P2RX1: variants seen among roughly 807,000 people sequenced by gnomAD.
P2RX1 encodes the protein purinergic receptor P2X 1.
In P2RX1, 42 loss-of-function variants were observed where a neutral mutation model predicts 50.3. That is an observed-to-expected ratio of 0.83 (90% confidence interval 0.65 to 1.08). P2RX1 has a LOEUF of 1.08. Ranked by LOEUF, P2RX1 falls within the 50% of genes least tolerant of loss-of-function variation. The pLI is 0.00. For synonymous variants in P2RX1, 199 were observed against 202.6 expected, an observed-to-expected ratio of 0.98 and a Z score of 0.15; for missense variants, 449 against 529.0, an observed-to-expected ratio of 0.85 and a Z score of 1.48.
chr17:3,912,088 A>G (rs138614431), intron 1 of P2RX1, among the ~76,000 whole-genome samples: 1 of 152,312 alleles, frequency 6.6e-6, no homozygotes, highest in African/African-American at 2.4e-5. Context: ...TTGCCTGAGA[A>G]TGAAGCCTCC....
Position 3,904,943 on chromosome 17 carries a change from G to A in P2RX1, c.286-14C>T, listed in dbSNP as rs1031669138. 2.1e-6 allele frequency: 3 copies of A among 1,423,218 alleles called. No individual in the cohort carries two copies. Among genetic ancestry groups the A allele is most frequent in the Middle Eastern group, 1.8e-4 (1 of 5,692 alleles). 88.2% of individuals were successfully genotyped at this position (1,423,218 alleles called of 1,614,324 possible). ...GGAGTTGTCCCCCTAGAAGTGAGGG[G>A]CAGGGGGAGGGTGGGGTGGGCTGGG... is the stretch of plus-strand genomic sequence containing the variant. On this transcript the variant is annotated splice_polypyrimidine_tract_variant and intron_variant, in intron 2 of 11. Transcript: ENST00000225538.
chr17:3,915,386 A>G, intron 1 of P2RX1: 1 of 448,672 alleles, frequency 2.2e-6, no homozygotes, highest in Non-Finnish European at 4.5e-6. Flanking sequence ...GCACACTCAC[A>G]AGTGTGCCAG....
intron 2 of P2RX1, 51 bp downstream of exon 2, chr17:3,905,169 A>G: frequency 2.5e-6 from 4 of 1,601,158 alleles, no homozygotes; most frequent in South Asian, 1.1e-5. Flanking sequence ...AGTCCCACCC[A>G]ACTCTGAGAC....
chr17:3,897,384 GAGGA>G lies in P2RX1; in HGVS notation c.*426_*429del, dbSNP rs1482686386. The stretch of plus-strand genomic sequence containing the variant: ...CAGTTGAAATGTGGCTAGTTCAGCC[GAGGA>G]ATTGAATTTTGTGTTTCATTCTATT... On this transcript the variant is annotated 3_prime_UTR_variant, in exon 12 of 12. Transcript: ENST00000225538. 1.9e-5 allele frequency: 5 copies of G among 268,962 alleles called. No homozygotes were observed. In the East Asian group the frequency reaches 4.2e-4, roughly 23 times the overall value. 16.7% of individuals were successfully genotyped at this position (268,962 alleles called of 1,614,324 possible).
At position 3,897,820 on chromosome 17, in the gene P2RX1, T is replaced by A. The variant is rs2056058494; in HGVS notation, c.1194A>T (p.Thr398=). 3.1e-6 allele frequency: 5 copies of A among 1,612,982 alleles called. No homozygotes were observed. Among genetic ancestry groups the A allele is most frequent in the African/African-American group, 1.3e-5 (1 of 75,000 alleles). ...STLGLQENMR[T]S Reference sequence around the variant, plus strand: ...AGGAGTTGGGGCCCGAGCATCAGGATGTCCTCATGTTCTCCTGCAGGCCCA... The same window carrying A: ...AGGAGTTGGGGCCCGAGCATCAGGAAGTCCTCATGTTCTCCTGCAGGCCCA... The change falls in exon 12 of 12, where the codon ACA becomes ACT. Residue 398 remains threonine, a synonymous_variant. Transcript: ENST00000225538.
At chr17:3,906,874 G>C (rs2056275555) in intron 1 of P2RX1, among the ~76,000 whole-genome samples, 1 of 152,222 alleles carries the variant, frequency 6.6e-6, no homozygotes, top group Non-Finnish European at 1.5e-5. Flanking sequence ...GACCTGAGGA[G>C]TTTCAGCAAT....
In P2RX1 at chr17:3,914,642, C is replaced by A. The variant is rs945463561; in HGVS notation, c.137+1447G>T. Among the ~76,000 whole-genome samples the A allele has an allele frequency of 6.6e-5, 10 of 152,170 alleles. No individual in the cohort carries two copies. The highest frequency in any genetic ancestry group is 9.7e-5 in the African/African-American group (4 of 41,448). ...AGTGATACTAAGGGTGGACTTCCGGCCCGTCCTGTACCTGGCATCCCACCA... is the reference window on the plus strand; with the variant it reads ...AGTGATACTAAGGGTGGACTTCCGGACCGTCCTGTACCTGGCATCCCACCA... On this transcript the variant is annotated intron_variant, in intron 1 of 11. Coordinates refer to ENST00000225538, the MANE Select transcript of P2RX1 (RefSeq NM_002558.4). This position sits in a 1 kb window ranked among gnomAD's most constrained non-coding sequence, Gnocchi z 4.1.
Position 3,904,938 on chromosome 17 carries a change from G to T in P2RX1, c.286-9C>A. On this transcript the variant is annotated splice_polypyrimidine_tract_variant and intron_variant, in intron 2 of 11. Transcript: ENST00000225538. ...ACGAAGGAGTTGTCCCCCTAGAAGT[G>T]AGGGGCAGGGGGAGGGTGGGGTGGG... 1 of 1,499,130 alleles carries T rather than the reference G, an allele frequency of 6.7e-7. No homozygotes were observed. The highest frequency in any genetic ancestry group is 9.2e-7 in the Non-Finnish European group (1 of 1,089,454). The allele number at this position is 1,499,130 out of a possible 1,614,324, so 92.9% of individuals were successfully genotyped here.
chr17:3,903,825 A>AG lies in P2RX1; in HGVS notation c.524+102dup. The AG allele has an allele frequency of 8.6e-7, 1 of 1,158,124 alleles. No individual in the cohort carries two copies. The highest frequency in any genetic ancestry group is 1.3e-6 in the Non-Finnish European group (1 of 774,112). The allele number at this position is 1,158,124 out of a possible 1,614,324, so 71.7% of individuals were successfully genotyped here. Reference sequence around the variant, plus strand: ...CAGCCTAGGTTGCGCGGATGGGGTGAGGGTGGGGTCAGAAAAAGGGGTAAA... The same window carrying AG: ...CAGCCTAGGTTGCGCGGATGGGGTGAGGGGTGGGGTCAGAAAAAGGGGTAAA... On this transcript the variant is annotated intron_variant, in intron 5 of 11. Coordinates refer to ENST00000225538, the MANE Select transcript of P2RX1 (RefSeq NM_002558.4). This position sits in a 1 kb window ranked among gnomAD's most constrained non-coding sequence, Gnocchi z 4.6.
intron 7 of P2RX1, among the ~76,000 whole-genome samples, chr17:3,902,098 T>A (rs535056063): frequency 1.3e-5 from 2 of 152,174 alleles, no homozygotes; most frequent in African/African-American, 4.8e-5. Flanking sequence ...GGCCATAGGC[T>A]ATAGGATTCA....
intron 9 of P2RX1, among the ~76,000 whole-genome samples, 184 bp downstream of exon 9, chr17:3,898,750 G>A (rs1026131402): frequency 1.3e-5 from 2 of 152,140 alleles, no homozygotes; most frequent in Non-Finnish European, 2.9e-5. Context: ...GAGACTGTGG[G>A]GAGGCATGGC....
chr17:3,908,763 C>A (rs766640169), intron 1 of P2RX1, among the ~76,000 whole-genome samples: 1 of 152,202 alleles, frequency 6.6e-6, no homozygotes, highest in Non-Finnish European at 1.5e-5. Context: ...AATCCCCCAT[C>A]CTGGGGCTCT....
At chr17:3,904,645 C>T (rs1394866756) in intron 3 of P2RX1, 9 of 626,518 alleles carry the variant, frequency 1.4e-5, no homozygotes, top group South Asian at 5.6e-5. Context: ...CACGAAGTCT[C>T]GGCACCCTGC....
chr17:3,904,036 G>T lies in P2RX1; in HGVS notation c.428-12C>A, dbSNP rs1311647882. The T allele has an allele frequency of 1.2e-6, 2 of 1,610,846 alleles. No individual in the cohort carries two copies. Among genetic ancestry groups the T allele is most frequent in the South Asian group, 1.1e-5 (1 of 91,040 alleles). On this transcript the variant is annotated splice_polypyrimidine_tract_variant and intron_variant, in intron 4 of 11. Transcript: ENST00000225538. ...GCCCGTGCGGATGCCTGGAGCCAGA[G>T]GGAAACCCCTGGGTGCCTGCACTAA...
chr17:3,902,306 T>C (rs1235070622), intron 7 of P2RX1, among the ~76,000 whole-genome samples: 2 of 151,374 alleles, frequency 1.3e-5, no homozygotes, highest in Non-Finnish European at 2.9e-5. Flanking sequence ...TTGTATTTTT[T>C]TTTTTTTGAC....
chr17:3,899,650 G>C lies in P2RX1; in HGVS notation c.859C>G (p.Pro287Ala). Reference protein sequence around the residue: ...HGLYEEKNLSPGFNFRFARHF... With the variant: ...HGLYEEKNLSAGFNFRFARHF... Reference sequence around the variant, plus strand: ...GGCAGACACCTGAAGTTGAAGCCTGGGGAGAGATTTTTCTCTTCGTACAGC... The same window carrying C: ...GGCAGACACCTGAAGTTGAAGCCTGCGGAGAGATTTTTCTCTTCGTACAGC... The change falls in exon 8 of 12, where the codon CCA (proline) becomes GCA (alanine). Residue 287 changes from proline (P) to alanine (A), a missense_variant. Pro to Ala is a conservative substitution (Grantham distance 27, BLOSUM62 -1). Coordinates refer to ENST00000225538, the MANE Select transcript of P2RX1 (RefSeq NM_002558.4). 1 of 1,613,560 alleles carries C rather than the reference G, an allele frequency of 6.2e-7. No individual in the cohort carries two copies. Among genetic ancestry groups the C allele is most frequent in the Non-Finnish European group, 8.5e-7 (1 of 1,179,658 alleles).
At chr17:3,904,165 G>T in intron 4 of P2RX1, 141 bp from the exon 5 acceptor site, 2 of 1,008,040 alleles carry the variant, frequency 2.0e-6, no homozygotes, top group Non-Finnish European at 3.1e-6. Context: ...GGACGGGCAG[G>T]CCAAGCCAGG....
chr17:3,902,629 A>G (rs2056171838), intron 7 of P2RX1, among the ~76,000 whole-genome samples: 1 of 145,750 alleles, frequency 6.9e-6, no homozygotes, highest in East Asian at 2.0e-4. Context: ...TGTTTTTGAG[A>G]TGGAATCTTG....
At chr17:3,907,552 C>T (rs956403051) in intron 1 of P2RX1, among the ~76,000 whole-genome samples, 5 of 152,132 alleles carry the variant, frequency 3.3e-5, no homozygotes, top group Admixed American at 6.5e-5. Flanking sequence ...CTGCAGGCCC[C>T]AGGGAGGCCA....
Sources: gnomAD v4.1 joint callset for allele counts (sites outside exome capture counted in the v4.1 genomes callset) on GRCh38, gnomAD v4.1.1 for gene constraint, Gnocchi (gnomAD v3.1) non-coding constraint, MANE v1.5 for transcripts, NCBI Gene and HGNC (gene_info 2026-07-23, HGNC 2026-07-21) for gene names.